Variants in SPIDR observed in about 807,000 individuals in gnomAD.
The protein encoded by SPIDR is scaffold protein involved in DNA repair, also known as DNA repair-scaffolding protein.
SPIDR carries 93 observed loss-of-function variants against 104.6 expected under a neutral mutation model. That is an observed-to-expected ratio of 0.89 (90% CI 0.75 to 1.06). The LOEUF is 1.06. SPIDR is among the 50% of genes least tolerant of loss of function. The pLI is 0.00. For synonymous variants in SPIDR, 431 were observed against 416.9 expected, an observed-to-expected ratio of 1.03 and a Z score of -0.41; for missense variants, 1,154 against 1,111.2, an observed-to-expected ratio of 1.04 and a Z score of -0.55.
At chr8:47,694,476 G>A (rs1445522914) in intron 11 of SPIDR, among the ~76,000 whole-genome samples, 1 of 152,110 alleles carries the variant, frequency 6.6e-6, no homozygotes, top group African/African-American at 2.4e-5. Flanking sequence ...AAATAAAAAT[G>A]AATGAGGACT....
chr8:47,455,664 T>C (rs2072817128), intron 8 of SPIDR, among the ~76,000 whole-genome samples: 1 of 152,128 alleles, frequency 6.6e-6, no homozygotes, highest in African/African-American at 2.4e-5. Context: ...AAATGGTTGA[T>C]AGCGAAAGAA....
intron 10 of SPIDR, among the ~76,000 whole-genome samples, chr8:47,639,193 T>C (rs1347449070): frequency 1.3e-5 from 2 of 152,220 alleles, no homozygotes; most frequent in Non-Finnish European, 2.9e-5. Context: ...TAACAGTACA[T>C]GGGAGGGAAG....
intron 6 of SPIDR, among the ~76,000 whole-genome samples, chr8:47,407,352 T>C (rs2154322235): frequency 6.6e-6 from 1 of 152,344 alleles, no homozygotes; most frequent in Middle Eastern, 3.4e-3. Context: ...GAGTGTTCTA[T>C]CAACAGTTGG....
At chr8:47,402,431 A>G (rs1554663864) in intron 6 of SPIDR, among the ~76,000 whole-genome samples, 1 of 152,236 alleles carries the variant, frequency 6.6e-6, no homozygotes, top group African/African-American at 2.4e-5. Context: ...TTTTGAAAAG[A>G]TGAACGAAAT....
chr8:47,398,904 G>C (rs1479194668), intron 6 of SPIDR, among the ~76,000 whole-genome samples: 1 of 152,196 alleles, frequency 6.6e-6, no homozygotes, highest in Non-Finnish European at 1.5e-5. Flanking sequence ...GTGACCCACT[G>C]TGACAGATGC....
At chr8:47,426,611 C>G (rs2066457166) in intron 7 of SPIDR, among the ~76,000 whole-genome samples, 1 of 152,152 alleles carries the variant, frequency 6.6e-6, no homozygotes. Flanking sequence ...TAATAACTGT[C>G]TTAGTCTGTT....
At position 47,690,400 on chromosome 8, in the gene SPIDR, T is replaced by G. The variant is rs560488956; in HGVS notation, c.1686-10003T>G. On this transcript the variant is annotated intron_variant, in intron 11 of 19. Transcript: ENST00000297423. ...AATTATACTACTTGATAATTTTATG[T>G]CCCCAATCTTGAGTCAAGAGTTGAT... Among the ~76,000 whole-genome samples, 17 of 151,524 alleles carry G rather than the reference T, an allele frequency of 1.1e-4. No homozygotes were observed. The East Asian group carries it at 1.7e-3, about 15-fold the overall frequency.
At chr8:47,516,404 A>T (rs1400915483) in intron 8 of SPIDR, among the ~76,000 whole-genome samples, 1 of 152,202 alleles carries the variant, frequency 6.6e-6, no homozygotes. Flanking sequence ...CATCCCCGGC[A>T]TGAACTCTGG....
chr8:47,462,999 T>G (rs1376071377), intron 8 of SPIDR, among the ~76,000 whole-genome samples: 1 of 152,144 alleles, frequency 6.6e-6, no homozygotes, highest in Non-Finnish European at 1.5e-5. Context: ...GTGCAAGAAC[T>G]GACTCATGAA....
intron 8 of SPIDR, among the ~76,000 whole-genome samples, chr8:47,513,524 C>T (rs1336511714): frequency 2.0e-5 from 3 of 152,156 alleles, no homozygotes; most frequent in Non-Finnish European, 4.4e-5. Context: ...AACAGTTCTC[C>T]AGTTTAGGTG....
At chr8:47,692,487 CTTTTTT>C (rs1171012398) in intron 11 of SPIDR, among the ~76,000 whole-genome samples, 14 of 119,282 alleles carry the variant, frequency 1.2e-4, no homozygotes, top group Admixed American at 3.6e-4. Flanking sequence ...TCAGAATTTC[CTTTTTT>C]TTTTTTTTTT....
chr8:47,326,215 A>G (rs1004706276), intron 5 of SPIDR, among the ~76,000 whole-genome samples: 1 of 152,136 alleles, frequency 6.6e-6, no homozygotes, highest in Non-Finnish European at 1.5e-5. Flanking sequence ...AGGTTTTGCC[A>G]TGTTGCCCAG....
chr8:47,697,229 C>G (rs1329478298), intron 11 of SPIDR, among the ~76,000 whole-genome samples: 2 of 151,164 alleles, frequency 1.3e-5, no homozygotes, highest in African/African-American at 4.9e-5. Flanking sequence ...GGGTTGGCCT[C>G]AGTGAGCCAT....
chr8:47,493,190 C>T (rs1159832525), intron 8 of SPIDR, among the ~76,000 whole-genome samples: 4 of 152,022 alleles, frequency 2.6e-5, no homozygotes, highest in African/African-American at 9.7e-5. Context: ...AGAGCAGAAA[C>T]AATGAATATG....
chr8:47,616,613 C>T (rs547631554), intron 10 of SPIDR, among the ~76,000 whole-genome samples: 1 of 152,258 alleles, frequency 6.6e-6, no homozygotes, highest in African/African-American at 2.4e-5. Context: ...CAAATATGTA[C>T]GTATCATTAC....
chr8:47,573,503 C>A (rs752600342), intron 8 of SPIDR, among the ~76,000 whole-genome samples: 1 of 152,182 alleles, frequency 6.6e-6, no homozygotes, highest in Non-Finnish European at 1.5e-5. Context: ...GCTGAGCCAT[C>A]ACATTTGTAG....
chr8:47,530,688 A>G, intron 8 of SPIDR, among the ~76,000 whole-genome samples: 1 of 152,086 alleles, frequency 6.6e-6, no homozygotes, highest in East Asian at 1.9e-4. Flanking sequence ...ACTTTATATA[A>G]ACACTGAACA....
chr8:47,355,025 G>A (rs1406303719), intron 5 of SPIDR, among the ~76,000 whole-genome samples: 4 of 149,718 alleles, frequency 2.7e-5, no homozygotes, highest in Non-Finnish European at 4.4e-5. Flanking sequence ...AAGCGATCTC[G>A]GCTCACTGCA....
intron 1 of SPIDR, among the ~76,000 whole-genome samples, chr8:47,273,550 A>G (rs1049086261): frequency 6.6e-6 from 1 of 151,860 alleles, no homozygotes; most frequent in African/African-American, 2.4e-5. Context: ...TCAGCAACTG[A>G]GAAGCTCATC....
Sources: gnomAD v4.1 joint callset for allele counts (sites outside exome capture counted in the v4.1 genomes callset) on GRCh38, gnomAD v4.1.1 for gene constraint, MANE v1.5 for transcripts, NCBI Gene and HGNC (gene_info 2026-07-23, HGNC 2026-07-21) for gene names.